The following LHFPL3 variants were observed in gnomAD, a reference collection of about 807,000 sequenced individuals.
LHFPL3 encodes LHFPL tetraspan subfamily member 3, also known as LHFPL tetraspan subfamily member 3 protein.
A neutral mutation model predicts 19.3 loss-of-function variants in LHFPL3; 5 were observed. The observed-to-expected ratio is 0.26, with a 90% CI of 0.14 to 0.54. LHFPL3 has a LOEUF of 0.54. Among genes scored for constraint, LHFPL3 ranks in the 20% least tolerant of loss-of-function variants. The probability of loss-of-function intolerance (pLI) is 0.94; values close to 1 mark genes in which losing one functional copy is unlikely to be tolerated. For synonymous variants in LHFPL3, 133 were observed against 126.2 expected (o/e 1.05, Z -0.36); for missense variants, 249 against 307.4 (o/e 0.81, Z 1.42).
intron 1 of LHFPL3, among the ~76,000 whole-genome samples, chr7:104,686,979 G>A (rs1208762314): frequency 2.0e-5 from 3 of 152,162 alleles, no homozygotes; most frequent in Non-Finnish European, 4.4e-5. Flanking sequence ...ACAGCATGGG[G>A]CAACTGCCCC....
At chr7:104,820,194 A>G (rs1009333713) in intron 2 of LHFPL3, among the ~76,000 whole-genome samples, 1 of 152,214 alleles carries the variant, frequency 6.6e-6, no homozygotes, top group Non-Finnish European at 1.5e-5. Flanking sequence ...GGAAATGCCA[A>G]GCCCATTTAT....
chr7:104,524,076 T>C (rs1442051080), intron 1 of LHFPL3, among the ~76,000 whole-genome samples: 2 of 152,156 alleles, frequency 1.3e-5, no homozygotes, highest in Admixed American at 1.3e-4. Flanking sequence ...TGCCCTACAC[T>C]CCAGCAGTAT....
intron 1 of LHFPL3, among the ~76,000 whole-genome samples, chr7:104,702,315 A>C: frequency 6.6e-6 from 1 of 152,008 alleles, no homozygotes; most frequent in East Asian, 1.9e-4. Flanking sequence ...TTTGTTTTAT[A>C]ATTCTCTTCT....
chr7:104,777,175 C>G (rs1229217278), intron 2 of LHFPL3, among the ~76,000 whole-genome samples: 1 of 152,188 alleles, frequency 6.6e-6, no homozygotes, highest in South Asian at 2.1e-4. Flanking sequence ...AAGAAGTCAT[C>G]TCTCTTGTCT....
chr7:104,644,806 T>G (rs1791902894), intron 1 of LHFPL3, among the ~76,000 whole-genome samples: 3 of 152,206 alleles, frequency 2.0e-5, no homozygotes, highest in Non-Finnish European at 4.4e-5. Context: ...CCGGCCCTGC[T>G]GAACGTAAGT....
chr7:104,761,439 G>A (rs1199093244), intron 2 of LHFPL3, among the ~76,000 whole-genome samples: 2 of 151,982 alleles, frequency 1.3e-5, no homozygotes, highest in African/African-American at 4.8e-5. Context: ...ACAATAGGAG[G>A]AAAAGCCACC....
intron 1 of LHFPL3, among the ~76,000 whole-genome samples, chr7:104,599,577 A>G (rs1790925526): frequency 6.6e-6 from 1 of 152,192 alleles, no homozygotes; most frequent in Non-Finnish European, 1.5e-5. Flanking sequence ...GCATTTTCTG[A>G]GCACCTTTTA....
chr7:104,568,762 A>C (rs1790171313), intron 1 of LHFPL3, among the ~76,000 whole-genome samples: 1 of 152,174 alleles, frequency 6.6e-6, no homozygotes, highest in South Asian at 2.1e-4. Flanking sequence ...GTATTCTCCC[A>C]AAAACTCACT....
chr7:104,867,190 T>C (rs1270442237), intron 2 of LHFPL3, among the ~76,000 whole-genome samples: 2 of 152,078 alleles, frequency 1.3e-5, no homozygotes, highest in African/African-American at 4.8e-5. Flanking sequence ...AGCAAGCACA[T>C]TCAAAAGCTA....
intron 1 of LHFPL3, among the ~76,000 whole-genome samples, chr7:104,609,930 A>G (rs1471648490): frequency 6.6e-6 from 1 of 152,232 alleles, no homozygotes; most frequent in Non-Finnish European, 1.5e-5. Context: ...TAATTATGAA[A>G]CTATTCAAAC....
At chr7:104,368,579 C>A (rs1790542680) in intron 1 of LHFPL3, among the ~76,000 whole-genome samples, 1 of 152,040 alleles carries the variant, frequency 6.6e-6, no homozygotes, top group African/African-American at 2.4e-5. Context: ...CCTAATCTTT[C>A]CTTTCCTTTT....
At chr7:104,569,470 T>C (rs534316804) in intron 1 of LHFPL3, among the ~76,000 whole-genome samples, 2 of 152,260 alleles carry the variant, frequency 1.3e-5, no homozygotes, top group South Asian at 4.1e-4. Flanking sequence ...GTGATCTCTC[T>C]TATTTGGGGG....
intron 1 of LHFPL3, among the ~76,000 whole-genome samples, chr7:104,456,165 CT>C (rs1292748563): frequency 1.3e-5 from 2 of 152,028 alleles, no homozygotes; most frequent in Non-Finnish European, 2.9e-5. Flanking sequence ...ATGTATATAC[CT>C]TTAATTTTTA....
At chr7:104,761,001 G>C (rs1256917149) in intron 2 of LHFPL3, among the ~76,000 whole-genome samples, 2 of 151,290 alleles carry the variant, frequency 1.3e-5, no homozygotes, top group African/African-American at 4.9e-5. Context: ...AGCAGACCCA[G>C]GTGTGCTAAC....
chr7:104,739,785 A>C (rs1347607571), intron 2 of LHFPL3, among the ~76,000 whole-genome samples: 1 of 152,220 alleles, frequency 6.6e-6, no homozygotes, highest in African/African-American at 2.4e-5. Flanking sequence ...TCATGGAAGA[A>C]GGCAATGTCA....
chr7:104,879,926 G>C (rs538896689), intron 2 of LHFPL3, among the ~76,000 whole-genome samples: 1 of 152,246 alleles, frequency 6.6e-6, no homozygotes, highest in East Asian at 1.9e-4. Flanking sequence ...AGGTGTGATG[G>C]TATGCCAGTA....
intron 1 of LHFPL3, among the ~76,000 whole-genome samples, chr7:104,431,409 G>C (rs1792000630): frequency 6.6e-6 from 1 of 152,126 alleles, no homozygotes; most frequent in African/African-American, 2.4e-5. Context: ...ACACCATGTT[G>C]ATATCTTCTG....
intron 2 of LHFPL3, among the ~76,000 whole-genome samples, chr7:104,789,561 A>G (rs1789983262): frequency 1.3e-5 from 2 of 152,136 alleles, no homozygotes; most frequent in African/African-American, 4.8e-5. Flanking sequence ...CCAGCCTACT[A>G]GGAGTAAGAA....
chr7:104,532,351 C>T (rs116171410), intron 1 of LHFPL3, among the ~76,000 whole-genome samples: 1,173 of 94,678 alleles, frequency 0.012, 19 homozygotes, highest in African/African-American at 0.043. Context: ...GGTTAAAGAA[C>T]GAATCTAGCT....
Sources: allele counts gnomAD v4.1 joint callset (sites outside exome capture counted in the v4.1 genomes callset), GRCh38; gene constraint gnomAD v4.1.1; transcripts MANE v1.5; gene names NCBI Gene and HGNC (gene_info 2026-07-23, HGNC 2026-07-21).